Variants in CEP83 observed in about 807,000 individuals in gnomAD.
CEP83 encodes the protein centrosomal protein 83.
CEP83 carries 70 observed loss-of-function variants against 101.9 expected under a neutral mutation model. The observed-to-expected ratio is 0.69, with a 90% confidence interval of 0.57 to 0.84. The LOEUF is 0.84. Among genes scored for constraint, CEP83 ranks in the 40% least tolerant of loss-of-function variants. The pLI is 0.00. For missense variants in CEP83, 715 were observed against 787.2 expected (o/e 0.91, Z 1.10); for synonymous variants, 264 against 267.9 (o/e 0.99, Z 0.14).
At chr12:94,273,907 G>A in the CEP83 span, among the ~76,000 whole-genome samples, 1 of 152,032 alleles carries the variant, frequency 6.6e-6, no homozygotes, top group Admixed American at 6.5e-5. Context: ...CTCCAAGCCG[G>A]TCCCTACATT....
intron 7 of CEP83, among the ~76,000 whole-genome samples, chr12:94,376,864 C>T (rs1357426363): frequency 1.3e-5 from 2 of 151,710 alleles, no homozygotes; most frequent in African/African-American, 2.4e-5. Flanking sequence ...CTCAGCCTCC[C>T]GAGTAGCTAG....
intron 11 of CEP83, among the ~76,000 whole-genome samples, chr12:94,367,383 A>C (rs2061075557): frequency 6.6e-6 from 1 of 152,140 alleles, no homozygotes; most frequent in African/African-American, 2.4e-5. Context: ...GTTTTGCTAA[A>C]AATGCCTAAC....
intron 14 of CEP83, among the ~76,000 whole-genome samples, chr12:94,318,666 T>C (rs1971107215): frequency 6.6e-6 from 1 of 152,220 alleles, no homozygotes; most frequent in African/African-American, 2.4e-5. Flanking sequence ...TCTATTGAGA[T>C]AACCATGTGG....
At chr12:94,396,023 C>T (rs2062866871) in intron 6 of CEP83, among the ~76,000 whole-genome samples, 1 of 152,024 alleles carries the variant, frequency 6.6e-6, no homozygotes, top group Non-Finnish European at 1.5e-5. Flanking sequence ...TAGTGCTCCT[C>T]GTCCCTCCCT....
In CEP83 at chr12:94,342,062, G is replaced by A. The variant is rs147065810; in HGVS notation, c.1344-6398C>T. The stretch of plus-strand genomic sequence containing the variant: ...AAATGTACCCATCTAAAAGCAAAAG[G>A]ACAGACAAGATTGGTTCTTAAAATC... On this transcript the variant is annotated intron_variant, in intron 11 of 16. Coordinates refer to ENST00000397809, the MANE Select transcript of CEP83 (RefSeq NM_016122.3). 7.9e-4 allele frequency among the ~76,000 whole-genome samples: 120 copies of A among 152,192 alleles called. 1 individual carries two copies. The East Asian group carries it at 0.022, about 28-fold the overall frequency.
At chr12:94,392,924 AG>A (rs1566071268) in intron 6 of CEP83, among the ~76,000 whole-genome samples, 6 of 152,366 alleles carry the variant, frequency 3.9e-5, no homozygotes, top group Non-Finnish European at 4.4e-5. Flanking sequence ...AGACTAAACC[AG>A]GAAGAAGTTG....
intron 1 of CEP83, among the ~76,000 whole-genome samples, chr12:94,436,201 A>T (rs922185402): frequency 4.6e-5 from 7 of 152,218 alleles, no homozygotes; most frequent in African/African-American, 1.7e-4. Flanking sequence ...AGATCACACT[A>T]GCTCTCCAGC....
chr12:94,348,113 A>G (rs572891700), intron 11 of CEP83, among the ~76,000 whole-genome samples: 170 of 152,142 alleles, frequency 1.1e-3, no homozygotes, highest in African/African-American at 3.7e-3. Context: ...ACCACAAAAA[A>G]AATATATATA....
At chr12:94,332,257 C>T (rs1326756140) in intron 13 of CEP83, among the ~76,000 whole-genome samples, 1 of 152,156 alleles carries the variant, frequency 6.6e-6, no homozygotes, top group African/African-American at 2.4e-5. Context: ...AGCCTGGTAT[C>T]AAATCTTAAT....
chr12:94,278,547 G>C, the CEP83 span, among the ~76,000 whole-genome samples: 2 of 152,226 alleles, frequency 1.3e-5, no homozygotes, highest in Non-Finnish European at 2.9e-5. Flanking sequence ...AAAATGTTAA[G>C]TAATGGTGCT....
chr12:94,420,623 G>C (rs965589922), intron 2 of CEP83, among the ~76,000 whole-genome samples: 5 of 152,032 alleles, frequency 3.3e-5, no homozygotes, highest in African/African-American at 1.2e-4. Context: ...TTTCGTTACT[G>C]TTAGTGTATT....
chr12:94,342,970 T>A (rs187041961), intron 11 of CEP83, among the ~76,000 whole-genome samples: 1 of 152,012 alleles, frequency 6.6e-6, no homozygotes, highest in African/African-American at 2.4e-5. Context: ...CTTTAATATA[T>A]CATTCTTTGT....
chr12:94,446,178 GGTAA>G (rs2066786441), intron 1 of CEP83, among the ~76,000 whole-genome samples: 2 of 152,074 alleles, frequency 1.3e-5, no homozygotes, highest in Admixed American at 6.5e-5. Flanking sequence ...CCAAAAATTA[GGTAA>G]GTAACTATCT....
chr12:94,423,134 G>C (rs1489429630), intron 2 of CEP83, among the ~76,000 whole-genome samples: 1 of 152,000 alleles, frequency 6.6e-6, no homozygotes, highest in Non-Finnish European at 1.5e-5. Context: ...GCCCAGGCTG[G>C]AGTGCAATGG....
intron 1 of CEP83, among the ~76,000 whole-genome samples, chr12:94,442,604 GT>G (rs2066494991): frequency 6.6e-6 from 1 of 151,976 alleles, no homozygotes; most frequent in Non-Finnish European, 1.5e-5. Context: ...TAAAGTAAAG[GT>G]TTCATTAAAT....
the CEP83 span, among the ~76,000 whole-genome samples, chr12:94,280,694 AC>A: frequency 2.4e-4 from 36 of 152,282 alleles, no homozygotes; most frequent in African/African-American, 8.2e-4. Context: ...CATGACCCTG[AC>A]CCCAGACCCC....
At chr12:94,418,747 G>C (rs371792293) in intron 2 of CEP83, among the ~76,000 whole-genome samples, 1 of 152,104 alleles carries the variant, frequency 6.6e-6, no homozygotes, top group South Asian at 2.1e-4. Flanking sequence ...TAGTTGTTAC[G>C]CAATGCTGTG....
chr12:94,423,783 G>A (rs1245502511), intron 2 of CEP83: 59 of 1,613,598 alleles, frequency 3.7e-5, no homozygotes, highest in Non-Finnish European at 5.0e-5. Flanking sequence ...CATGCTCTGA[G>A]GGTGTGTCCA....
At chr12:94,293,227 C>T in the CEP83 span, among the ~76,000 whole-genome samples, 1 of 152,154 alleles carries the variant, frequency 6.6e-6, no homozygotes, top group Non-Finnish European at 1.5e-5. Context: ...ATTATTCATT[C>T]TGATGATGGA....
Sources: gnomAD v4.1 joint callset for allele counts (sites outside exome capture counted in the v4.1 genomes callset) on GRCh38, gnomAD v4.1.1 for gene constraint, MANE v1.5 for transcripts, NCBI Gene and HGNC (gene_info 2026-07-23, HGNC 2026-07-21) for gene names.